XKR6: variants seen among roughly 807,000 people sequenced by gnomAD.
XKR6 encodes XK related 6.
In XKR6, 22 loss-of-function variants were observed where a neutral mutation model predicts 56.7. That is an observed-to-expected ratio of 0.39 (90% CI 0.28 to 0.55). XKR6 has a LOEUF of 0.55. XKR6 is among the 20% of genes least tolerant of loss of function. XKR6 has a pLI of 0.66. For synonymous variants in XKR6, 524 were observed against 387.8 expected (o/e 1.35, Z -4.13); for missense variants, 852 against 889.0 (o/e 0.96, Z 0.53).
In XKR6 at chr8:10,958,911, T is replaced by C. The variant is rs192432813; in HGVS notation, c.765-34081A>G. On this transcript the variant is annotated intron_variant, in intron 1 of 2. Transcript: ENST00000416569. ...GGAGCAGCAGCAAGGCCTGGATGCT[T>C]TATGGTGACAGCGGGTCTCACCTTT... Among the ~76,000 whole-genome samples the C allele has an allele frequency of 5.4e-3, 821 of 152,310 alleles. 4 individuals are homozygous for C. The highest frequency in any genetic ancestry group is 9.3e-3 in the Non-Finnish European group (630 of 68,020).
At chr8:10,973,321 T>A (rs946597795) in intron 1 of XKR6, among the ~76,000 whole-genome samples, 2 of 152,322 alleles carry the variant, frequency 1.3e-5, no homozygotes, top group East Asian at 3.9e-4. Flanking sequence ...AAATGCCCAC[T>A]GCCCTGAAAA....
intron 1 of XKR6, among the ~76,000 whole-genome samples, chr8:11,158,917 C>T (rs1212975503): frequency 6.6e-6 from 1 of 152,212 alleles, no homozygotes; most frequent in African/African-American, 2.4e-5. Flanking sequence ...ATGAACCTCT[C>T]AGTCTTACCC....
Position 11,149,739 on chromosome 8 carries a change from T to C in XKR6, c.764+50837A>G, listed in dbSNP as rs190420191. Among the ~76,000 whole-genome samples the C allele has an allele frequency of 2.0e-3, 311 of 152,224 alleles. 2 individuals are homozygous for C. Among genetic ancestry groups the C allele is most frequent in the African/African-American group, 7.2e-3 (297 of 41,512 alleles). Reference sequence around the variant, plus strand: ...CACTATATATGATCCAGCAATCCCATTACTGGGCATTTGTCCAAAGGAAAA... The same window carrying C: ...CACTATATATGATCCAGCAATCCCACTACTGGGCATTTGTCCAAAGGAAAA... On this transcript the variant is annotated intron_variant, in intron 1 of 2. Coordinates refer to ENST00000416569, the MANE Select transcript of XKR6 (RefSeq NM_173683.4).
rs190211933 is a variant in XKR6, at chr8:11,051,326, T to G, written c.765-126496A>C. Among the ~76,000 whole-genome samples the G allele has an allele frequency of 4.0e-4, 61 of 152,020 alleles. 2 individuals are homozygous for G. The highest frequency in any genetic ancestry group is 3.4e-3 in the Admixed American group (52 of 15,262). On this transcript the variant is annotated intron_variant, in intron 1 of 2. Transcript: ENST00000416569. ...GCTGCCTGTCTCTCCAGTCTCCCCC[T>G]CGGTACTTTCCTTCCGACCATGGAT...
chr8:10,919,314 T>C (rs923655766), intron 2 of XKR6, among the ~76,000 whole-genome samples: 5 of 152,238 alleles, frequency 3.3e-5, no homozygotes, highest in Non-Finnish European at 5.9e-5. Context: ...GGGCTTTTCC[T>C]GACCCCCTGC....
chr8:11,068,467 T>A (rs1800036377), intron 1 of XKR6, among the ~76,000 whole-genome samples: 1 of 152,226 alleles, frequency 6.6e-6, no homozygotes, highest in African/African-American at 2.4e-5. Context: ...TTCCCATTTT[T>A]TTCTTGCCCT....
chr8:10,997,377 C>T (rs185369261), intron 1 of XKR6, among the ~76,000 whole-genome samples: 2 of 152,284 alleles, frequency 1.3e-5, no homozygotes, highest in African/African-American at 4.8e-5. Flanking sequence ...AGATGGGGTA[C>T]AAATGCTGTC....
At chr8:11,115,617 G>C (rs1770623413) in intron 1 of XKR6, among the ~76,000 whole-genome samples, 1 of 144,188 alleles carries the variant, frequency 6.9e-6, no homozygotes, top group African/African-American at 2.8e-5. Flanking sequence ...TTTTTTAATT[G>C]TGTGGGAATA....
chr8:10,991,214 G>GT (rs562231522), intron 1 of XKR6, among the ~76,000 whole-genome samples: 382 of 152,120 alleles, frequency 2.5e-3, no homozygotes, highest in Non-Finnish European at 3.6e-3. Flanking sequence ...ATGTCTTACT[G>GT]TTTTTTTCAC....
At chr8:11,022,002 G>C (rs537173496) in intron 1 of XKR6, among the ~76,000 whole-genome samples, 1 of 151,648 alleles carries the variant, frequency 6.6e-6, no homozygotes, top group East Asian at 1.9e-4. Context: ...GCACTGGACT[G>C]CACACTGCAG....
At chr8:11,034,021 C>T (rs1409288686) in intron 1 of XKR6, among the ~76,000 whole-genome samples, 2 of 152,180 alleles carry the variant, frequency 1.3e-5, no homozygotes, top group Admixed American at 1.3e-4. Context: ...TCCAGCATAG[C>T]CTGTTTAGTC....
rs555552653 is a variant in XKR6 at position 11,178,385 on chromosome 8, C to A, written c.764+22191G>T. ...CTCATGAGTCTTATGTGGCTTCGGT[C>A]ATCAAGCGGCTATGAAAGAGCACCA... On this transcript the variant is annotated intron_variant, in intron 1 of 2. Transcript: ENST00000416569. Among the ~76,000 whole-genome samples the A allele has an allele frequency of 7.5e-4, 114 of 151,802 alleles. 1 individual carries two copies. In the Middle Eastern group the frequency reaches 0.01, roughly 14 times the overall value.
chr8:11,145,513 A>G (rs940910429), intron 1 of XKR6, among the ~76,000 whole-genome samples: 1 of 152,216 alleles, frequency 6.6e-6, no homozygotes, highest in Non-Finnish European at 1.5e-5. Flanking sequence ...TGCAACTAAG[A>G]CTTAGCAAGA....
At chr8:10,956,654 T>C (rs181908888) in intron 1 of XKR6, among the ~76,000 whole-genome samples, 25 of 150,116 alleles carry the variant, frequency 1.7e-4, no homozygotes, top group Non-Finnish European at 2.5e-4. Context: ...AGCATCATCA[T>C]TGCCTTTAGG....
Position 10,990,976 on chromosome 8 carries a change from C to T in XKR6, c.765-66146G>A, listed in dbSNP as rs534969272. ...GGAGTGCAATGGCACGATCTCAGCT[C>T]ACTGCCACCTCCACCTCCCGGAGTT... On this transcript the variant is annotated intron_variant, in intron 1 of 2. Transcript: ENST00000416569. 4.0e-4 allele frequency among the ~76,000 whole-genome samples: 58 copies of T among 145,194 alleles called. 1 individual carries two copies. The highest frequency in any genetic ancestry group is 1.6e-3 in the Admixed American group (23 of 14,208).
chr8:11,039,340 G>C (rs1412115342), intron 1 of XKR6, among the ~76,000 whole-genome samples: 1 of 152,250 alleles, frequency 6.6e-6, no homozygotes, highest in African/African-American at 2.4e-5. Context: ...GCTACAAAGA[G>C]TGGCTGGGCA....
At chr8:11,151,070 T>C (rs900647768) in intron 1 of XKR6, among the ~76,000 whole-genome samples, 3 of 152,138 alleles carry the variant, frequency 2.0e-5, no homozygotes, top group Non-Finnish European at 2.9e-5. Context: ...TAAGACTCTT[T>C]TGTGAGTAGC....
At chr8:11,164,769 A>G (rs1043618479) in intron 1 of XKR6, among the ~76,000 whole-genome samples, 5 of 152,190 alleles carry the variant, frequency 3.3e-5, no homozygotes, top group African/African-American at 1.2e-4. Flanking sequence ...ACTATTTCTC[A>G]ATATCCATTT....
chr8:10,955,308 G>T (rs867125463), intron 1 of XKR6, among the ~76,000 whole-genome samples: 2 of 152,160 alleles, frequency 1.3e-5, no homozygotes, highest in African/African-American at 4.8e-5. Context: ...GAATAAGTGG[G>T]ATTATAGGTG....
Sources: gnomAD v4.1 joint callset for allele counts (sites outside exome capture counted in the v4.1 genomes callset) on GRCh38, gnomAD v4.1.1 for gene constraint, MANE v1.5 for transcripts, NCBI Gene and HGNC (gene_info 2026-07-23, HGNC 2026-07-21) for gene names.